The following KIF23 variants were observed in gnomAD, a reference collection of about 807,000 sequenced individuals.
The protein encoded by KIF23 is kinesin family member 23.
In KIF23, 30 loss-of-function variants were observed where a neutral mutation model predicts 137.5. The ratio of observed to expected loss-of-function variants is 0.22; its 90% CI spans 0.16 to 0.30. The LOEUF (loss-of-function observed/expected upper bound fraction) is 0.30, where lower values mean the gene tolerates loss of function less well. KIF23 is among the 10% of genes least tolerant of loss of function. KIF23 has a pLI of 1.00. For missense variants in KIF23, 920 were observed against 1,194.3 expected (o/e 0.77, Z 3.38); for synonymous variants, 367 against 391.1 (o/e 0.94, Z 0.73).
intron 10 of KIF23, among the ~76,000 whole-genome samples, chr15:69,428,686 CAAAA>C (rs2057273415): frequency 1.3e-5 from 1 of 76,426 alleles, no homozygotes; most frequent in Non-Finnish European, 2.8e-5. Context: ...AAAAAAAAAA[CAAAA>C]GAATTATTTA....
Position 69,425,284 on chromosome 15 carries a change from G to T in KIF23, c.737G>T (p.Trp246Leu), listed in dbSNP as rs765592670. The change falls in exon 8 of 24, where the codon TGG (tryptophan) becomes TTG (leucine). Residue 246 changes from tryptophan to leucine, a missense_variant and splice_region_variant. Physicochemically the swap from Trp to Leu is moderately conservative, Grantham distance 61. Coordinates refer to ENST00000679126, the MANE Select transcript of KIF23 (RefSeq NM_001367805.3). ...CTTCTACCTTATTCCTTTGGTAGGT[G>T]GAACAGTTGCAGCACACCCATGAGG... ...EVPFDPIKPK[W>L]NSCSTPMRNT... The T allele has an allele frequency of 4.6e-6, 7 of 1,535,838 alleles. No homozygotes were observed. In the South Asian group the frequency reaches 8.3e-5, roughly 18 times the overall value.
At chr15:69,435,046 G>T (rs1228041001) in intron 11 of KIF23, 4 of 552,148 alleles carry the variant, frequency 7.2e-6, no homozygotes, top group Non-Finnish European at 1.3e-5. Context: ...GGTCCCCATA[G>T]TTCCTCCCCA....
chr15:69,441,585 T>C (rs1324755704), intron 19 of KIF23, among the ~76,000 whole-genome samples: 2 of 152,222 alleles, frequency 1.3e-5, no homozygotes, highest in African/African-American at 4.8e-5. Flanking sequence ...TTACTTGATA[T>C]AGATATGTAA....
intron 1 of KIF23, 53 bp downstream of exon 1, chr15:69,414,529 C>T: frequency 2.0e-6 from 3 of 1,527,452 alleles, no homozygotes; most frequent in Non-Finnish European, 2.6e-6. Flanking sequence ...GCCGAGGCCT[C>T]GGGGCTGGGG....
chr15:69,432,049 C>T (rs765609616), intron 11 of KIF23, among the ~76,000 whole-genome samples: 16 of 152,006 alleles, frequency 1.1e-4, no homozygotes, highest in East Asian at 1.9e-4. Context: ...TGATTATTGG[C>T]GGAGCAAGAT....
rs755801641 is a variant in KIF23, at chr15:69,444,870, A to G, written c.2502A>G (p.Val834=). The change falls in exon 20 of 24, where the codon GTA becomes GTG. Residue 834 remains valine, a synonymous_variant. Transcript: ENST00000679126. This position sits in a 1 kb window ranked among gnomAD's most constrained non-coding sequence, Gnocchi z 4.2. ...CACGCTCTGCAGGAGACAGATGGGT[A>G]GATCATAAGCCCGCCTCTAACATGC... ...RRSRSAGDRW[V]DHKPASNMQT... 77 of 1,614,086 alleles carry G rather than the reference A, an allele frequency of 4.8e-5. No individual in the cohort carries two copies. The highest frequency in any genetic ancestry group is 6.1e-5 in the Non-Finnish European group (72 of 1,180,024).
chr15:69,445,550 C>A (rs1421585263), intron 20 of KIF23, among the ~76,000 whole-genome samples: 16 of 144,216 alleles, frequency 1.1e-4, no homozygotes, highest in African/African-American at 1.3e-4. Context: ...AAGATAAGAC[C>A]AAAAAAAAAA....
intron 1 of KIF23, chr15:69,415,179 A>G (rs2056867390): frequency 6.6e-6 from 1 of 152,212 alleles, no homozygotes; most frequent in Non-Finnish European, 1.5e-5. Context: ...TTTGCAAAAG[A>G]CAACTTGTTT....
rs149909654 is a variant in KIF23 at position 69,442,923 on chromosome 15, T to C, written c.2421+1844T>C. ...AATTTATACTTCAGTGAGGAAAAAA[T>C]TTAAATATTTGTTTCATAAATGCTA... On this transcript the variant is annotated intron_variant, in intron 19 of 23. Coordinates refer to ENST00000679126, the MANE Select transcript of KIF23 (RefSeq NM_001367805.3). Among the ~76,000 whole-genome samples the C allele has an allele frequency of 6.7e-3, 1,023 of 152,314 alleles. 12 individuals are homozygous for C. Among genetic ancestry groups the C allele is most frequent in the African/African-American group, 0.024 (980 of 41,574 alleles).
Position 69,437,563 on chromosome 15 carries a change from C to T in KIF23, c.1598-685C>T, listed in dbSNP as rs1246477518. Among the ~76,000 whole-genome samples the T allele has an allele frequency of 2.7e-5, 4 of 149,718 alleles. No individual in the cohort carries two copies. The Admixed American group carries it at 2.7e-4, about 10-fold the overall frequency. ...GCAACCTCCGCCTCCTGGGTTCAAG[C>T]GATTTTCCTGCCTCAGCCTCCTGAG... is the stretch of plus-strand genomic sequence containing the variant. On this transcript the variant is annotated intron_variant, in intron 15 of 23. Transcript: ENST00000679126.
At chr15:69,431,678 A>T (rs1486903304) in intron 11 of KIF23, among the ~76,000 whole-genome samples, 3 of 152,042 alleles carry the variant, frequency 2.0e-5, no homozygotes, top group African/African-American at 4.8e-5. Context: ...GCGAATGGAG[A>T]GGAACAAGCT....
Position 69,426,519 on chromosome 15 carries a change from A to T in KIF23, c.1011+62A>T, listed in dbSNP as rs2057197001. On this transcript the variant is annotated intron_variant, in intron 10 of 23. Coordinates refer to ENST00000679126, the MANE Select transcript of KIF23 (RefSeq NM_001367805.3). ...CTCTATCCTTAATTTTTGGAATTAG[A>T]GTAATCCAGCCAACATGGCAAAAAC... is the stretch of plus-strand genomic sequence containing the variant. 3.8e-6 allele frequency: 6 copies of T among 1,573,714 alleles called. No individual in the cohort carries two copies. The Middle Eastern group carries it at 5.1e-4, about 134-fold the overall frequency.
intron 9 of KIF23, 47 bp downstream of exon 9, chr15:69,426,229 C>T (rs752599705): frequency 1.9e-6 from 3 of 1,586,204 alleles, no homozygotes; most frequent in African/African-American, 1.4e-5. Context: ...TGAATATCAC[C>T]TAGAGTTGCT....
In KIF23 at chr15:69,425,339, G is replaced by A. The variant is rs750628793; in HGVS notation, c.776+16G>A. 15 of 1,534,476 alleles carry A rather than the reference G, an allele frequency of 9.8e-6. No homozygotes were observed. Among genetic ancestry groups the A allele is most frequent in the South Asian group, 2.4e-5 (2 of 83,984 alleles). ...CAGATTTTGTGTATGTGATGGTGTTGGCTCTTTTCTTAAGGAGAAGGGTGC... is the reference window on the plus strand; with the variant it reads ...CAGATTTTGTGTATGTGATGGTGTTAGCTCTTTTCTTAAGGAGAAGGGTGC... On this transcript the variant is annotated intron_variant, in intron 8 of 23. Transcript: ENST00000679126.
intron 15 of KIF23, among the ~76,000 whole-genome samples, chr15:69,437,096 A>C (rs528295318): frequency 1.3e-3 from 196 of 152,364 alleles, no homozygotes; most frequent in Non-Finnish European, 2.3e-3. Context: ...AAGTATTTTC[A>C]ATGAATCTGA....
chr15:69,439,760 G>C, intron 16 of KIF23, 144 bp from the exon 17 acceptor site: 3 of 500,440 alleles, frequency 6.0e-6, no homozygotes, highest in Non-Finnish European at 1.0e-5. Context: ...TGGGAATTCA[G>C]ATGAAATGTT....
At position 69,423,247 on chromosome 15, in the gene KIF23, G is replaced by A. The variant is rs1368949434; in HGVS notation, c.652G>A (p.Val218Ile). 2 of 1,588,080 alleles carry A rather than the reference G, an allele frequency of 1.3e-6. No homozygotes were observed. The highest frequency in any genetic ancestry group is 2.3e-5 in the East Asian group (1 of 44,388). Residue 218 changes from valine to isoleucine, a missense_variant, in exon 7 of 24, where the codon GTA becomes ATA. Physicochemically the swap from Val to Ile is conservative, Grantham distance 29 (BLOSUM62 3). Around this residue, in one of 4 missense-constraint regions of KIF23, gnomAD observed 714 missense variants for 866.2 expected, o/e 0.82. Transcript: ENST00000679126. ...EEVDEDSVYG[V>I]FVSYIEIYNN... ...GGTTGATGAAGATAGTGTCTATGGT[G>A]TATTTGTCTCTTATATTGAAATATA...
chr15:69,423,170 A>C lies in KIF23; in HGVS notation c.575A>C (p.Asp192Ala), dbSNP rs761528995. 6.3e-7 allele frequency: 1 copy of C among 1,589,664 alleles called. No individual in the cohort carries two copies. Among genetic ancestry groups the C allele is most frequent in the Non-Finnish European group, 8.6e-7 (1 of 1,167,700 alleles). Residue 192 changes from aspartate (D) to alanine (A), a missense_variant, in exon 7 of 24, where the codon GAT becomes GCT. Transcript: ENST00000679126. ...TTTTCTTTTTTTAGACGACAAGTAG[A>C]TCCAGAGTTTGCAGATATGATAACT... is the stretch of plus-strand genomic sequence containing the variant. ...PKTSSSKRQV[D>A]PEFADMITVQ... is the part of the protein sequence containing the mutation.
At chr15:69,422,289 A>C (rs1240381904) in intron 5 of KIF23, 37 bp from the exon 6 acceptor site, 1 of 1,463,600 alleles carries the variant, frequency 6.8e-7, no homozygotes, top group Non-Finnish European at 9.4e-7. Flanking sequence ...ATTCTAAAAA[A>C]CGTGGTGTGA....
Sources: gnomAD v4.1 joint callset for allele counts (sites outside exome capture counted in the v4.1 genomes callset) on GRCh38, gnomAD v4.1.1 for gene constraint, gnomAD v4.1.1 regional missense constraint, Gnocchi (gnomAD v3.1) non-coding constraint, MANE v1.5 for transcripts, NCBI Gene and HGNC (gene_info 2026-07-23, HGNC 2026-07-21) for gene names.